IPO8: variants seen among roughly 807,000 people sequenced by gnomAD.
IPO8 encodes importin 8, also known as importin-8.
IPO8 carries 65 observed loss-of-function variants against 141.2 expected under a neutral mutation model. That is an observed-to-expected ratio of 0.46 (90% CI 0.38 to 0.57). The LOEUF is 0.57. IPO8 is among the 20% of genes least tolerant of loss of function. IPO8 has a pLI of 0.00. For synonymous variants in IPO8, 411 were observed against 420.3 expected, an observed-to-expected ratio of 0.98 and a Z score of 0.27; for missense variants, 980 against 1,246.8, an observed-to-expected ratio of 0.79 and a Z score of 3.22.
intron 18 of IPO8, 42 bp downstream of exon 18, chr12:30,652,925 T>C (rs774365041): frequency 3.9e-5 from 60 of 1,548,218 alleles, no homozygotes; most frequent in Non-Finnish European, 5.0e-5. Context: ...AAGAAGTATC[T>C]AGACACAGAA....
chr12:30,671,098 T>A lies in IPO8; in HGVS notation c.910-2A>T. The A allele has an allele frequency of 6.3e-7, 1 of 1,575,668 alleles. No homozygotes were observed. The highest frequency in any genetic ancestry group is 8.7e-7 in the Non-Finnish European group (1 of 1,146,310). ...TTGATCTAAAATTTTTAGTAGCACCTATAAGAAAACAGAAAATACAGACTA... is the reference window on the plus strand; with the variant it reads ...TTGATCTAAAATTTTTAGTAGCACCAATAAGAAAACAGAAAATACAGACTA... On this transcript the variant is annotated splice_acceptor_variant, in intron 8 of 24. Transcript: ENST00000256079. LOFTEE classifies it high-confidence loss of function.
At chr12:30,650,898 G>A (rs2052717686) in intron 19 of IPO8, among the ~76,000 whole-genome samples, 1 of 151,944 alleles carries the variant, frequency 6.6e-6, no homozygotes, top group Non-Finnish European at 1.5e-5. Flanking sequence ...ATACAAATGT[G>A]ATACCTTCCT....
chr12:30,656,561 G>A, intron 17 of IPO8, 123 bp downstream of exon 17: 1 of 520,056 alleles, frequency 1.9e-6, no homozygotes, highest in South Asian at 2.8e-5. Flanking sequence ...AAAAATTGAA[G>A]TGATTATGCT....
intron 16 of IPO8, among the ~76,000 whole-genome samples, chr12:30,658,245 G>T (rs4931358): frequency 0.059 from 8,940 of 152,196 alleles, 346 homozygotes; most frequent in Middle Eastern, 0.12. Flanking sequence ...TCACAATTTT[G>T]TGTTTCATAC....
intron 20 of IPO8, 81 bp downstream of exon 20, chr12:30,649,056 C>A (rs1051833056): frequency 4.6e-5 from 41 of 897,724 alleles, no homozygotes; most frequent in Non-Finnish European, 6.9e-5. Context: ...CATTTTTCAT[C>A]ATAATATAAA....
chr12:30,632,199 C>T (rs1297220014), intron 23 of IPO8, among the ~76,000 whole-genome samples, 188 bp from the exon 24 acceptor site: 1 of 152,172 alleles, frequency 6.6e-6, no homozygotes, highest in Non-Finnish European at 1.5e-5. Flanking sequence ...CCACTTAGTA[C>T]CCAGCTATGT....
intron 14 of IPO8, 198 bp from the exon 15 acceptor site, chr12:30,662,685 A>G (rs2052905908): frequency 1.7e-6 from 1 of 602,020 alleles, no homozygotes; most frequent in South Asian, 1.9e-5. Context: ...TAATATAAGG[A>G]TAAGAAGTCC....
intron 12 of IPO8, 133 bp from the exon 13 acceptor site, chr12:30,665,442 A>G (rs1260410417): frequency 7.5e-6 from 5 of 665,658 alleles, no homozygotes; most frequent in Non-Finnish European, 1.3e-5. Context: ...TATATATTGC[A>G]TGTTTTAAAA....
At chr12:30,655,710 G>A (rs2048807385) in intron 17 of IPO8, among the ~76,000 whole-genome samples, 1 of 152,196 alleles carries the variant, frequency 6.6e-6, no homozygotes, top group South Asian at 2.1e-4. Flanking sequence ...GTATCCCACT[G>A]TTTATATCTA....
intron 19 of IPO8, among the ~76,000 whole-genome samples, chr12:30,651,069 T>C (rs2052720293): frequency 6.6e-6 from 1 of 152,098 alleles, no homozygotes; most frequent in Non-Finnish European, 1.5e-5. Flanking sequence ...GAAATCATTG[T>C]GAACATCAAT....
chr12:30,662,145 G>T (rs898996522), intron 15 of IPO8, among the ~76,000 whole-genome samples, 182 bp downstream of exon 15: 3 of 152,120 alleles, frequency 2.0e-5, no homozygotes, highest in African/African-American at 7.2e-5. Flanking sequence ...CATACAAAAG[G>T]TACAGTAAAA....
chr12:30,662,357 G>A lies in IPO8; in HGVS notation c.1725C>T (p.Ala575=), dbSNP rs2052899700. The change falls in exon 15 of 25, where the codon GCC becomes GCT. Residue 575 remains alanine (A), a synonymous_variant. Coordinates refer to ENST00000256079, the MANE Select transcript of IPO8 (RefSeq NM_006390.4). The part of the protein sequence containing the change: ...KMICEYSQEV[A]SIAVDMTQHL... ...GTTGGGTCATATCAACAGCAATTGA[G>A]GCTACCTCTTGACTGTATTCACATA... 1 of 1,613,666 alleles carries A rather than the reference G, an allele frequency of 6.2e-7. No individual in the cohort carries two copies. The highest frequency in any genetic ancestry group is 1.3e-5 in the African/African-American group (1 of 74,878).
chr12:30,677,813 T>C (rs1206190454), intron 5 of IPO8, among the ~76,000 whole-genome samples: 2 of 152,170 alleles, frequency 1.3e-5, no homozygotes, highest in African/African-American at 2.4e-5. Context: ...TTAAACTAAG[T>C]GTTAGTACAA....
In IPO8 at chr12:30,695,532, C is replaced by T. The variant is rs775114123; in HGVS notation, c.84+32G>A. On this transcript the variant is annotated intron_variant, in intron 1 of 24. Coordinates refer to ENST00000256079, the MANE Select transcript of IPO8 (RefSeq NM_006390.4). This position sits in a 1 kb window ranked among gnomAD's most constrained non-coding sequence, Gnocchi z 4.2. ...CCAGCCGGCAGGGGCGCCCCTTCGG[C>T]GGAAGAGGGTCGCCGAAGACCCTCT... 6.9e-6 allele frequency: 11 copies of T among 1,598,084 alleles called. No individual in the cohort carries two copies. In the East Asian group the frequency reaches 1.3e-4, roughly 20 times the overall value.
chr12:30,637,230 G>A (rs1208129763), intron 21 of IPO8, 43 bp from the exon 22 acceptor site: 1 of 1,433,930 alleles, frequency 7.0e-7, no homozygotes, highest in Admixed American at 1.7e-5. Flanking sequence ...ATGAGAAGTG[G>A]AATAAAGAAC....
At position 30,690,481 on chromosome 12, in the gene IPO8, A is replaced by C; in HGVS notation, c.166+15T>G. 6.6e-7 allele frequency: 1 copy of C among 1,511,288 alleles called. No individual in the cohort carries two copies. Among genetic ancestry groups the C allele is most frequent in the Non-Finnish European group, 9.1e-7 (1 of 1,102,406 alleles). 93.6% of individuals were successfully genotyped at this position (1,511,288 alleles called of 1,614,324 possible). The stretch of plus-strand genomic sequence containing the variant: ...ACCTATAAATAAATTTATAAAGGAT[A>C]AAAAACCAACTCACCTGCCTGTCGT... On this transcript the variant is annotated intron_variant, in intron 2 of 24. Transcript: ENST00000256079.
Position 30,631,942 on chromosome 12 carries a change from G to A in IPO8, c.2969C>T (p.Ala990Val). The A allele has an allele frequency of 3.1e-6, 5 of 1,613,048 alleles. No individual in the cohort carries two copies. The highest frequency in any genetic ancestry group is 1.3e-5 in the African/African-American group (1 of 75,040). Residue 990 changes from alanine (A) to valine (V), a missense_variant, in exon 24 of 25, where the codon GCA becomes GTA. By Grantham distance (64) the Ala-to-Val change is moderately conservative (BLOSUM62 0). Transcript: ENST00000256079. ...MAPLSEDQRT[A>V]LQEVYTLAEH... ...TGCCAGTGTGTACACCTCCTGCAGTGCTGTCCTCTGATCCTCGCTGAGTGG... is the reference window on the plus strand; with the variant it reads ...TGCCAGTGTGTACACCTCCTGCAGTACTGTCCTCTGATCCTCGCTGAGTGG...
intron 9 of IPO8, among the ~76,000 whole-genome samples, chr12:30,670,670 G>A (rs1565504942): frequency 6.6e-6 from 1 of 152,086 alleles, no homozygotes; most frequent in Non-Finnish European, 1.5e-5. Context: ...TTTTAGATAA[G>A]AATAGAAAAA....
chr12:30,630,985 A>G, intron 24 of IPO8, 28 bp from the exon 25 acceptor site: 2 of 1,553,306 alleles, frequency 1.3e-6, no homozygotes, highest in Non-Finnish European at 1.8e-6. Context: ...AAAAGGGGAG[A>G]AGAAAAAAAA....
Sources: gnomAD v4.1 joint callset for allele counts (sites outside exome capture counted in the v4.1 genomes callset) on GRCh38, gnomAD v4.1.1 for gene constraint, Gnocchi (gnomAD v3.1) non-coding constraint, MANE v1.5 for transcripts, NCBI Gene and HGNC (gene_info 2026-07-23, HGNC 2026-07-21) for gene names.